CTTNBP2: variants seen among roughly 807,000 people sequenced by gnomAD.
CTTNBP2 encodes cortactin binding protein 2, also known as cortactin-binding protein 2.
In CTTNBP2, 108 loss-of-function variants were observed where a neutral mutation model predicts 156.9. The ratio of observed to expected loss-of-function variants is 0.69; its 90% CI spans 0.59 to 0.81. CTTNBP2 has a LOEUF of 0.81. CTTNBP2 is among the 30% of genes least tolerant of loss of function. CTTNBP2 has a pLI of 0.00. For synonymous variants in CTTNBP2, 767 were observed against 751.8 expected (o/e 1.02, Z -0.33); for missense variants, 1,924 against 2,035.4 (o/e 0.95, Z 1.05).
chr7:117,742,757 T>C (rs536644019), intron 14 of CTTNBP2, among the ~76,000 whole-genome samples: 17 of 152,338 alleles, frequency 1.1e-4, no homozygotes, highest in Non-Finnish European at 1.6e-4. Flanking sequence ...GGTTCTCATA[T>C]TGCTTTTAAA....
At chr7:117,796,733 T>C (rs1245832633) in intron 3 of CTTNBP2, among the ~76,000 whole-genome samples, 1 of 152,238 alleles carries the variant, frequency 6.6e-6, no homozygotes, top group African/African-American at 2.4e-5. Context: ...ACTATATTTC[T>C]TCCTCTGAAA....
chr7:117,847,188 C>T (rs1425415662), intron 2 of CTTNBP2, among the ~76,000 whole-genome samples: 1 of 151,610 alleles, frequency 6.6e-6, no homozygotes, highest in Non-Finnish European at 1.5e-5. Flanking sequence ...AGCTGGTTTT[C>T]AAAGCAATGA....
At chr7:117,715,735 T>G (rs989035967) in intron 22 of CTTNBP2, 2 of 152,224 alleles carry the variant, frequency 1.3e-5, no homozygotes, top group African/African-American at 4.8e-5. Context: ...AAAGATAACT[T>G]ACTCATTTTT....
At chr7:117,851,499 C>T (rs1802926997) in intron 2 of CTTNBP2, among the ~76,000 whole-genome samples, 1 of 152,162 alleles carries the variant, frequency 6.6e-6, no homozygotes, top group African/African-American at 2.4e-5. Flanking sequence ...TTCTTTCTTT[C>T]CCTTTTACTG....
Position 117,791,636 on chromosome 7 carries a change from G to A in CTTNBP2, c.1560C>T (p.Thr520=). 6.2e-7 allele frequency: 1 copy of A among 1,614,116 alleles called. No homozygotes were observed. Among genetic ancestry groups the A allele is most frequent in the East Asian group, 2.2e-5 (1 of 44,862 alleles). The part of the protein sequence containing the change: ...PGVPPTGDVG[T]HPPVGRTSLK... ...AACTGGTCCGACCAACTGGAGGGTG[G>A]GTGCCAACATCCCCTGTTGGGGGCA... Residue 520 remains threonine (T), a synonymous_variant, in exon 4 of 23, where the codon ACC becomes ACT. Coordinates refer to ENST00000160373, the MANE Select transcript of CTTNBP2 (RefSeq NM_033427.3).
intron 4 of CTTNBP2, among the ~76,000 whole-genome samples, chr7:117,786,982 A>T (rs1394414533): frequency 1.3e-5 from 2 of 152,158 alleles, no homozygotes; most frequent in Non-Finnish European, 2.9e-5. Flanking sequence ...ATATTTTTAA[A>T]ATCTTTACAA....
intron 2 of CTTNBP2, among the ~76,000 whole-genome samples, chr7:117,855,144 C>T (rs1803210417): frequency 6.6e-6 from 1 of 152,146 alleles, no homozygotes; most frequent in African/African-American, 2.4e-5. Flanking sequence ...CAAGGGCTCG[C>T]TGTTGCAAGT....
chr7:117,835,625 G>A (rs1043052314), intron 2 of CTTNBP2, among the ~76,000 whole-genome samples: 1 of 152,142 alleles, frequency 6.6e-6, no homozygotes, highest in Non-Finnish European at 1.5e-5. Flanking sequence ...CTGGTTCAGG[G>A]GCTGTCCAAT....
At chr7:117,802,639 C>T (rs1165712638) in intron 3 of CTTNBP2, among the ~76,000 whole-genome samples, 1 of 152,116 alleles carries the variant, frequency 6.6e-6, no homozygotes, top group African/African-American at 2.4e-5. Flanking sequence ...AACTATGCAT[C>T]TGACAAAGGT....
At position 117,810,761 on chromosome 7, in the gene CTTNBP2, A is replaced by T; in HGVS notation, c.414+4T>A. 6.2e-7 allele frequency: 1 copy of T among 1,612,292 alleles called. No individual in the cohort carries two copies. The highest frequency in any genetic ancestry group is 8.5e-7 in the Non-Finnish European group (1 of 1,179,614). On this transcript the variant is annotated splice_donor_region_variant and intron_variant, in intron 3 of 22. Transcript: ENST00000160373. ...GGAAAATGACCATTTGAACGCCTCA[A>T]TACCTTCTTTTGTCTGCTCTCAGCA...
chr7:117,739,260 T>C (rs987210705), intron 14 of CTTNBP2, among the ~76,000 whole-genome samples: 3 of 152,190 alleles, frequency 2.0e-5, no homozygotes, highest in African/African-American at 4.8e-5. Context: ...AAGCAGGAAC[T>C]CATTACAGTT....
chr7:117,719,519 C>G lies in CTTNBP2; in HGVS notation c.4629G>C (p.Glu1543Asp). 1 of 1,613,880 alleles carries G rather than the reference C, an allele frequency of 6.2e-7. No individual in the cohort carries two copies. The highest frequency in any genetic ancestry group is 8.5e-7 in the Non-Finnish European group (1 of 1,179,852). ...ELQSMCSSKS[E>D]SDISKIADSR... ...TACTGCTCACCTTGCTGATATCAGA[C>G]TCAGACTTGCTGGAGCACATGCTCT... is the stretch of plus-strand genomic sequence containing the variant. Residue 1543 changes from glutamate (E) to aspartate (D), a missense_variant, in exon 21 of 23, where the codon GAG becomes GAC. Coordinates refer to ENST00000160373, the MANE Select transcript of CTTNBP2 (RefSeq NM_033427.3).
At chr7:117,787,626 T>C (rs1259050534) in intron 4 of CTTNBP2, among the ~76,000 whole-genome samples, 1 of 152,214 alleles carries the variant, frequency 6.6e-6, no homozygotes, top group East Asian at 1.9e-4. Context: ...AGGCTTCTGT[T>C]CATCTAACAT....
chr7:117,755,049 T>G (rs1796812241), intron 12 of CTTNBP2, among the ~76,000 whole-genome samples: 2 of 152,186 alleles, frequency 1.3e-5, no homozygotes, highest in South Asian at 4.1e-4. Context: ...AGGCTAACAT[T>G]CCTGAAAACC....
intron 14 of CTTNBP2, among the ~76,000 whole-genome samples, chr7:117,735,843 A>T (rs1795659584): frequency 6.6e-6 from 1 of 152,220 alleles, no homozygotes; most frequent in Non-Finnish European, 1.5e-5. Flanking sequence ...AGGCAACACT[A>T]AATCTATAAT....
intron 2 of CTTNBP2, 37 bp from the exon 3 acceptor site, chr7:117,811,026 A>T: frequency 6.9e-7 from 1 of 1,441,620 alleles, no homozygotes; most frequent in Admixed American, 1.7e-5. Context: ...GAAGAAAGAA[A>T]TGAAAATATA....
intron 14 of CTTNBP2, among the ~76,000 whole-genome samples, chr7:117,737,033 T>C (rs1795743419): frequency 1.3e-5 from 2 of 152,186 alleles, no homozygotes; most frequent in African/African-American, 2.4e-5. Flanking sequence ...CAGACAGAAA[T>C]GGCTCTTCTG....
At chr7:117,808,318 T>C (rs1198481914) in intron 3 of CTTNBP2, among the ~76,000 whole-genome samples, 1 of 151,970 alleles carries the variant, frequency 6.6e-6, no homozygotes, top group Admixed American at 6.6e-5. Context: ...TATCATTCCA[T>C]CCTGGGTTAC....
intron 22 of CTTNBP2, among the ~76,000 whole-genome samples, chr7:117,713,101 G>C (rs1410439065): frequency 6.6e-6 from 1 of 152,188 alleles, no homozygotes; most frequent in African/African-American, 2.4e-5. Context: ...GTCCTTGCGA[G>C]AATCTAATGC....
Sources: allele counts gnomAD v4.1 joint callset (sites outside exome capture counted in the v4.1 genomes callset), GRCh38; gene constraint gnomAD v4.1.1; transcripts MANE v1.5; gene names NCBI Gene and HGNC (gene_info 2026-07-23, HGNC 2026-07-21).